DMD: variants seen among roughly 807,000 people sequenced by gnomAD.
The protein encoded by DMD is mutant dystrophin.
Under a neutral mutation model 330.1 loss-of-function variants are expected in DMD, and 63 were observed. The ratio of observed to expected loss-of-function variants is 0.19; its 90% CI spans 0.16 to 0.24. The LOEUF (loss-of-function observed/expected upper bound fraction) is 0.24, where lower values mean the gene tolerates loss of function less well. Ranked by LOEUF, DMD falls within the 10% of genes least tolerant of loss-of-function variation. The pLI, the probability that DMD is intolerant of heterozygous loss-of-function variation, is 1.00. For missense variants in DMD, 3,344 were observed against 2,684.1 expected (o/e 1.25, Z -5.43); for synonymous variants, 1,223 against 959.8 (o/e 1.27, Z -5.07).
rs2051614781 is a variant in DMD at position 32,565,663 on chromosome X, T to G, written c.1992+39A>C. The G allele has an allele frequency of 4.3e-6, 5 of 1,176,437 alleles. No homozygotes were observed. The East Asian group carries it at 1.5e-4, about 35-fold the overall frequency. On this transcript the variant is annotated intron_variant, in intron 16 of 78. Transcript: ENST00000357033. ...TCTCTTAATGCAGGTTTAAAAAATC[T>G]CTGAGATAGTCTGTAGCATGATAAT...
At chrX:32,382,065 T>C (rs2097928232) in intron 33 of DMD, among the ~76,000 whole-genome samples, 1 of 111,262 alleles carries the variant, frequency 9.0e-6, no homozygotes, top group Admixed American at 9.6e-5. Context: ...TTGTACCACC[T>C]CAATCCCTTC....
chrX:33,296,435 A>T (rs1237224417), intron 1 of DMD, among the ~76,000 whole-genome samples: 1 of 110,856 alleles, frequency 9.0e-6, no homozygotes, highest in Non-Finnish European at 1.9e-5. Context: ...TCTAGGGTAC[A>T]CTGTAGGATG....
chrX:33,158,934 A>T (rs2048632869), intron 1 of DMD, among the ~76,000 whole-genome samples: 1 of 112,040 alleles, frequency 8.9e-6, no homozygotes, highest in African/African-American at 3.2e-5. Context: ...ACATTCCCTC[A>T]TATTTAGGAG....
At chrX:32,054,828 G>T in intron 44 of DMD, among the ~76,000 whole-genome samples, 1 of 93,879 alleles carries the variant, frequency 1.1e-5, no homozygotes, top group East Asian at 3.5e-4. Context: ...TGTGAGAGAG[G>T]GGAGGGAAGG....
At chrX:32,636,508 C>T (rs546282534) in intron 11 of DMD, among the ~76,000 whole-genome samples, 5 of 111,909 alleles carry the variant, frequency 4.5e-5, no homozygotes, top group South Asian at 7.4e-4. Flanking sequence ...ATGAGAAAAT[C>T]GAAAATGTGT....
intron 51 of DMD, among the ~76,000 whole-genome samples, chrX:31,744,162 C>T (rs1412502883): frequency 8.9e-6 from 1 of 111,912 alleles, no homozygotes; most frequent in Non-Finnish European, 1.9e-5. Flanking sequence ...GCCACTGCAC[C>T]CCACAAAGTT....
At chrX:32,031,791 A>G (rs2095885852) in intron 44 of DMD, among the ~76,000 whole-genome samples, 1 of 111,930 alleles carries the variant, frequency 8.9e-6, no homozygotes, top group African/African-American at 3.2e-5. Context: ...ACACTAAACA[A>G]TTCATTTTTA....
intron 1 of DMD, among the ~76,000 whole-genome samples, chrX:33,339,071 C>T (rs1287394253): frequency 2.7e-5 from 3 of 110,909 alleles, no homozygotes; most frequent in Non-Finnish European, 5.7e-5. Context: ...CAAGCACACC[C>T]CCTCCCCAAA....
At chrX:31,947,387 A>ATG (rs2095101775) in intron 45 of DMD, among the ~76,000 whole-genome samples, 1 of 112,302 alleles carries the variant, frequency 8.9e-6, no homozygotes, top group Non-Finnish European at 1.9e-5. Flanking sequence ...GGCCTCCCAA[A>ATG]GCACTGAGAT....
At chrX:33,291,300 T>C (rs1003261550) in intron 1 of DMD, among the ~76,000 whole-genome samples, 3 of 111,406 alleles carry the variant, frequency 2.7e-5, no homozygotes, top group African/African-American at 9.8e-5. Context: ...GACAATATCA[T>C]AGTGAATGGG....
intron 29 of DMD, among the ~76,000 whole-genome samples, chrX:32,437,643 G>A (rs917407536): frequency 1.8e-5 from 2 of 112,187 alleles, no homozygotes; most frequent in African/African-American, 6.5e-5. Flanking sequence ...GATGTACTCA[G>A]TAAGTGAATA....
chrX:33,149,249 A>G (rs2048169501), intron 1 of DMD, among the ~76,000 whole-genome samples: 1 of 111,514 alleles, frequency 9.0e-6, no homozygotes, highest in African/African-American at 3.3e-5. Context: ...GTGACACATC[A>G]TCAGTCACTA....
At chrX:32,713,407 A>G (rs2065374737) in intron 7 of DMD, among the ~76,000 whole-genome samples, 1 of 111,454 alleles carries the variant, frequency 9.0e-6, no homozygotes, top group South Asian at 3.8e-4. Flanking sequence ...AGAGGGAAAG[A>G]GAAAGCTGGG....
At chrX:33,303,019 C>T (rs2053689911) in intron 1 of DMD, among the ~76,000 whole-genome samples, 1 of 111,732 alleles carries the variant, frequency 8.9e-6, no homozygotes, top group Non-Finnish European at 1.9e-5. Flanking sequence ...TTGTTGAAAT[C>T]ATATAGTATG....
intron 43 of DMD, among the ~76,000 whole-genome samples, chrX:32,242,650 C>T (rs2097213349): frequency 9.0e-6 from 1 of 111,240 alleles, no homozygotes; most frequent in Admixed American, 9.6e-5. Flanking sequence ...AAAGGTAAAA[C>T]ATGCACCCTA....
intron 7 of DMD, among the ~76,000 whole-genome samples, chrX:32,731,667 G>T (rs776332149): frequency 7.5e-4 from 84 of 111,605 alleles, no homozygotes; most frequent in Non-Finnish European, 1.3e-3. Context: ...CACCTCACAC[G>T]GCAGGGTACT....
chrX:31,749,002 C>T (rs1716686960), intron 51 of DMD, among the ~76,000 whole-genome samples: 1 of 111,015 alleles, frequency 9.0e-6, no homozygotes, highest in Non-Finnish European at 1.9e-5. Flanking sequence ...AACAACTCTA[C>T]CTAGCTGGGT....
intron 63 of DMD, among the ~76,000 whole-genome samples, chrX:31,253,480 C>T (rs2049612003): frequency 9.0e-6 from 1 of 111,674 alleles, no homozygotes; most frequent in African/African-American, 3.3e-5. Flanking sequence ...AACCCAAGAG[C>T]ATCCTCAGGA....
intron 59 of DMD, among the ~76,000 whole-genome samples, chrX:31,446,570 G>C (rs950369161): frequency 7.2e-5 from 8 of 111,848 alleles, no homozygotes; most frequent in Non-Finnish European, 1.3e-4. Flanking sequence ...AGTTTTATAG[G>C]GGTGGATAGT....
Sources: gnomAD v4.1 joint callset for allele counts (sites outside exome capture counted in the v4.1 genomes callset) on GRCh38, gnomAD v4.1.1 for gene constraint, MANE v1.5 for transcripts, NCBI Gene and HGNC (gene_info 2026-07-23, HGNC 2026-07-21) for gene names.